Variants in SYNPR observed in about 807,000 individuals in gnomAD.
SYNPR encodes the protein synaptoporin.
In SYNPR, 23 loss-of-function variants were observed where a neutral mutation model predicts 32.9. That is an observed-to-expected ratio of 0.70 (90% confidence interval 0.50 to 0.99). The LOEUF (loss-of-function observed/expected upper bound fraction) is 0.99. SYNPR is among the 50% of genes least tolerant of loss of function. The pLI is 0.00. For synonymous variants in SYNPR, 146 were observed against 135.9 expected (o/e 1.07, Z -0.52); for missense variants, 318 against 349.3 (o/e 0.91, Z 0.71).
chr3:63,244,519 A>T (rs1327729621), intron 1 of SYNPR, among the ~76,000 whole-genome samples: 1 of 152,064 alleles, frequency 6.6e-6, no homozygotes, highest in Admixed American at 6.6e-5. Context: ...GGCCTGTTCA[A>T]TCCCTGCTCT....
At chr3:63,416,277 T>C (rs997962882) in intron 2 of SYNPR, among the ~76,000 whole-genome samples, 22 of 152,204 alleles carry the variant, frequency 1.4e-4, no homozygotes, top group African/African-American at 5.3e-4. Context: ...ACGCCTGTAA[T>C]CCCAGCACTT....
intron 4 of SYNPR, among the ~76,000 whole-genome samples, chr3:63,562,693 C>G (rs1299581690): frequency 6.6e-6 from 1 of 152,204 alleles, no homozygotes; most frequent in Non-Finnish European, 1.5e-5. Context: ...TTTAATTCCT[C>G]TTTAGTGAGC....
intron 2 of SYNPR, among the ~76,000 whole-genome samples, chr3:63,341,209 C>T (rs750853708): frequency 4.6e-5 from 7 of 152,330 alleles, no homozygotes; most frequent in African/African-American, 7.2e-5. Flanking sequence ...TCTTCTGTGA[C>T]TTGATAGCTC....
At chr3:63,224,834 AT>A (rs1377152486), upstream of SYNPR, among the ~76,000 whole-genome samples, 1 of 152,170 alleles carries the variant, frequency 6.6e-6, no homozygotes, top group Non-Finnish European at 1.5e-5. Context: ...CCTTGACAGC[AT>A]TTTGAGCAAC....
intron 3 of SYNPR, among the ~76,000 whole-genome samples, chr3:63,524,874 A>T (rs35689679): frequency 0.15 from 14,527 of 95,244 alleles, 758 homozygotes; most frequent in Admixed American, 0.25. Flanking sequence ...TGTGTGTGAG[A>T]GAGAGAGAGA....
chr3:63,332,349 T>C (rs1039886450), intron 2 of SYNPR, among the ~76,000 whole-genome samples: 2 of 152,220 alleles, frequency 1.3e-5, no homozygotes, highest in Non-Finnish European at 2.9e-5. Flanking sequence ...TACCCTTGCA[T>C]GGCTTTGTAC....
chr3:63,430,361 T>TACACACAC (rs3083163), intron 2 of SYNPR, among the ~76,000 whole-genome samples: 23 of 148,392 alleles, frequency 1.5e-4, no homozygotes, highest in African/African-American at 5.0e-4. Context: ...ACACTGAGAA[T>TACACACAC]ACACACACAC....
intron 2 of SYNPR, among the ~76,000 whole-genome samples, chr3:63,434,726 G>T (rs1414882914): frequency 6.6e-6 from 1 of 152,102 alleles, no homozygotes; most frequent in African/African-American, 2.4e-5. Context: ...TGTGTGTTAG[G>T]AACAGCCAAA....
chr3:63,324,850 G>A (rs978238120), intron 2 of SYNPR, among the ~76,000 whole-genome samples: 10 of 151,992 alleles, frequency 6.6e-5, no homozygotes, highest in East Asian at 3.9e-4. Context: ...AGATGGTGAC[G>A]GGTAACTGAC....
At chr3:63,276,796 A>T (rs1165704838), upstream of SYNPR, among the ~76,000 whole-genome samples, 1 of 152,158 alleles carries the variant, frequency 6.6e-6, no homozygotes, top group African/African-American at 2.4e-5. Context: ...TTTCTGCAGC[A>T]AAATTCATGA....
At chr3:63,494,451 A>ATG (rs1559516386) in intron 3 of SYNPR, among the ~76,000 whole-genome samples, 6 of 130,766 alleles carry the variant, frequency 4.6e-5, no homozygotes, top group African/African-American at 1.8e-4. Context: ...ATATATACAC[A>ATG]TATATATACA....
chr3:63,477,309 G>A (rs1421546226), intron 2 of SYNPR, among the ~76,000 whole-genome samples: 1 of 152,098 alleles, frequency 6.6e-6, no homozygotes, highest in African/African-American at 2.4e-5. Context: ...TTGATTTCAC[G>A]CTCCAAAATA....
In SYNPR at chr3:63,270,870, TCCTTCCTTCCTTC is replaced by T. The variant is rs755715739; in HGVS notation, n.287+3423_287+3435del. 1.3e-3 allele frequency among the ~76,000 whole-genome samples: 119 copies of T among 90,156 alleles called. 1 individual carries two copies. In the East Asian group the frequency reaches 0.024, roughly 18 times the overall value. 59.1% of individuals were successfully genotyped at this position (90,156 alleles called of 152,430 possible). On this transcript the variant is annotated intron_variant and non_coding_transcript_variant, in intron 3 of 4. Transcript: ENST00000478456. ...AAATTCTCTCCCTTCTTTCCTTCCT[TCCTTCCTTCCTTC>T]CTTCCTTCCTTCCTTTTCTTTCCTT...
chr3:63,499,060 C>G (rs1039151949), intron 3 of SYNPR, among the ~76,000 whole-genome samples: 5 of 149,170 alleles, frequency 3.4e-5, no homozygotes, highest in African/African-American at 1.2e-4. Context: ...AAAATTTTTT[C>G]TGGTGCAGTG....
the SYNPR span, among the ~76,000 whole-genome samples, chr3:63,218,471 T>C: frequency 6.6e-6 from 1 of 152,240 alleles, no homozygotes; most frequent in Non-Finnish European, 1.5e-5. Flanking sequence ...CCTGAAATGT[T>C]GGAATTATGA....
At chr3:63,521,522 CTA>C (rs916445132) in intron 3 of SYNPR, among the ~76,000 whole-genome samples, 4 of 152,178 alleles carry the variant, frequency 2.6e-5, no homozygotes, top group African/African-American at 9.7e-5. Flanking sequence ...AATATTATCT[CTA>C]TTTTACAGAT....
intron 4 of SYNPR, among the ~76,000 whole-genome samples, chr3:63,597,030 T>C (rs997686288): frequency 1.3e-5 from 2 of 152,174 alleles, no homozygotes; most frequent in Non-Finnish European, 2.9e-5. Context: ...TTATATGAAA[T>C]AATAATTTTG....
At chr3:63,291,730 T>A (rs548682979) in intron 2 of SYNPR, among the ~76,000 whole-genome samples, 1 of 152,300 alleles carries the variant, frequency 6.6e-6, no homozygotes, top group African/African-American at 2.4e-5. Context: ...GTTTGTGAAA[T>A]TGATAGTGGC....
chr3:63,443,564 T>A (rs1037850523), intron 2 of SYNPR: 2 of 1,363,192 alleles, frequency 1.5e-6, no homozygotes, highest in African/African-American at 2.9e-5. Flanking sequence ...TACACTTTTC[T>A]TTCCAAGTAT....
Sources: allele counts gnomAD v4.1 joint callset (sites outside exome capture counted in the v4.1 genomes callset), GRCh38; gene constraint gnomAD v4.1.1; transcripts MANE v1.5; gene names NCBI Gene and HGNC (gene_info 2026-07-23, HGNC 2026-07-21).